Variants in DNAH6 observed in about 807,000 individuals in gnomAD.
DNAH6 encodes the protein axonemal beta dynein heavy chain 6.
Under a neutral mutation model 491.4 loss-of-function variants are expected in DNAH6, and 340 were observed. The observed-to-expected ratio is 0.69, with a 90% CI of 0.63 to 0.76. DNAH6 has a LOEUF of 0.76. Ranked by LOEUF, DNAH6 falls within the 30% of genes least tolerant of loss-of-function variation. DNAH6 has a pLI of 0.00. For synonymous variants in DNAH6, 1,603 were observed against 1,686.1 expected, an observed-to-expected ratio of 0.95 and a Z score of 1.21; for missense variants, 4,443 against 4,972.2, an observed-to-expected ratio of 0.89 and a Z score of 3.20.
intron 70 of DNAH6, among the ~76,000 whole-genome samples, chr2:84,800,207 A>G (rs1164790974): frequency 1.3e-5 from 2 of 152,192 alleles, no homozygotes; most frequent in East Asian, 1.9e-4. Context: ...TACACAACAT[A>G]CACCACAGTC....
chr2:84,773,008 C>A (rs575687141), intron 64 of DNAH6, among the ~76,000 whole-genome samples: 2 of 152,040 alleles, frequency 1.3e-5, no homozygotes, highest in Admixed American at 1.3e-4. Context: ...GGACAATTCA[C>A]AAATATATGG....
chr2:84,817,585 T>C (rs934385954), intron 76 of DNAH6, among the ~76,000 whole-genome samples: 6 of 151,924 alleles, frequency 3.9e-5, no homozygotes, highest in Non-Finnish European at 5.9e-5. Context: ...CTGGGCAACA[T>C]AGTGAAACCC....
chr2:84,771,042 A>G (rs997444113), intron 64 of DNAH6, among the ~76,000 whole-genome samples: 1 of 152,038 alleles, frequency 6.6e-6, no homozygotes, highest in Admixed American at 6.5e-5. Flanking sequence ...TAATCCCAGT[A>G]CTTTGGGAGG....
chr2:84,548,356 T>G lies in DNAH6; in HGVS notation c.1255T>G (p.Ser419Ala). Residue 419 changes from serine to alanine, a missense_variant, in exon 8 of 77, where the codon TCT becomes GCT. By Grantham distance (99) the Ser-to-Ala change is moderately conservative (BLOSUM62 1). Around this residue, in one of 3 missense-constraint regions of DNAH6, gnomAD observed 2,977 missense variants for 3,296.6 expected, o/e 0.90. Coordinates refer to ENST00000389394, the MANE Select transcript of DNAH6 (RefSeq NM_001370.2). ...TPHELPTYGD[S>A]EKMTYTEQAS... is the part of the protein sequence containing the mutation. Reference sequence around the variant, plus strand: ...ACATGAGTTGCCCACTTATGGAGACTCTGAGAAAATGACATATACAGAACA... The same window carrying G: ...ACATGAGTTGCCCACTTATGGAGACGCTGAGAAAATGACATATACAGAACA... The G allele has an allele frequency of 6.2e-7, 1 of 1,613,976 alleles. No homozygotes were observed. Among genetic ancestry groups the G allele is most frequent in the Non-Finnish European group, 8.5e-7 (1 of 1,179,926 alleles).
In DNAH6 at chr2:84,619,769, A is replaced by G. The variant is rs1687226002; in HGVS notation, c.3657A>G (p.Lys1219=). 1 of 1,551,658 alleles carries G rather than the reference A, an allele frequency of 6.4e-7. No individual in the cohort carries two copies. The highest frequency in any genetic ancestry group is 1.4e-5 in the African/African-American group (1 of 73,130). Residue 1219 remains lysine (K), a synonymous_variant, in exon 24 of 77, where the codon AAA becomes AAG. Transcript: ENST00000389394. ...AGGCCGTGCAGCCACACTTAAGGAA[A>G]TGCTTCGACTCCATTTCAAAGCTCG... ...NPQAVQPHLR[K]CFDSISKLEF... is the part of the protein sequence containing the mutation.
At chr2:84,488,167 AAT>A in the DNAH6 span, among the ~76,000 whole-genome samples, 1 of 152,188 alleles carries the variant, frequency 6.6e-6, no homozygotes, top group Non-Finnish European at 1.5e-5. Flanking sequence ...CAACGATGGG[AAT>A]ACTAGGTAGG....
At chr2:84,567,970 CAT>C (rs1271379154) in intron 11 of DNAH6, among the ~76,000 whole-genome samples, 1 of 151,926 alleles carries the variant, frequency 6.6e-6, no homozygotes, top group African/African-American at 2.4e-5. Context: ...CATTATGTGG[CAT>C]ATATATAAAC....
chr2:84,734,148 T>A (rs1436764406), intron 62 of DNAH6, among the ~76,000 whole-genome samples: 45 of 107,272 alleles, frequency 4.2e-4, no homozygotes, highest in African/African-American at 1.6e-3. Context: ...AAACTACACT[T>A]TTTTTTTTTT....
At chr2:84,685,236 T>A in intron 42 of DNAH6, 90 bp from the exon 43 acceptor site, 1 of 964,724 alleles carries the variant, frequency 1.0e-6, no homozygotes. Context: ...GAGGGTAAAG[T>A]TGTACTTAAG....
At chr2:84,488,902 A>G in the DNAH6 span, among the ~76,000 whole-genome samples, 2,238 of 152,254 alleles carry the variant, frequency 0.015, 36 homozygotes, top group Middle Eastern at 0.092. Flanking sequence ...ACCTCTAGGT[A>G]TAGATTGGAG....
intron 68 of DNAH6, 22 bp from the exon 69 acceptor site, chr2:84,796,284 C>CA (rs1401944842): frequency 3.5e-6 from 5 of 1,428,700 alleles, no homozygotes; most frequent in African/African-American, 2.9e-5. Context: ...GCAATAATTT[C>CA]AAAATACAAA....
intron 11 of DNAH6, among the ~76,000 whole-genome samples, chr2:84,560,765 C>T (rs973599155): frequency 2.0e-5 from 3 of 152,060 alleles, no homozygotes; most frequent in African/African-American, 7.2e-5. Context: ...CAATTTCATC[C>T]ATGTCCCTAC....
Position 84,727,821 on chromosome 2 carries a change from T to G in DNAH6, c.10125T>G (p.Cys3375Trp). The G allele has an allele frequency of 6.4e-7, 1 of 1,552,092 alleles. No individual in the cohort carries two copies. Among genetic ancestry groups the G allele is most frequent in the Non-Finnish European group, 8.7e-7 (1 of 1,147,026 alleles). The part of the protein sequence containing the change: ...QHKLIYSFML[C>W]VEMMRQQGTL... ...AACTCATCTACAGCTTTATGCTTTG[T>G]GTTGAGATGATGCGTCAGCAAGGAA... is the stretch of plus-strand genomic sequence containing the variant. Residue 3375 changes from cysteine (C) to tryptophan (W), a missense_variant, in exon 61 of 77, where the codon TGT (cysteine) becomes TGG (tryptophan). Around this residue, in one of 3 missense-constraint regions of DNAH6, gnomAD observed 1,463 missense variants for 1,656.6 expected, o/e 0.88. Transcript: ENST00000389394.
chr2:84,538,390 G>A (rs750746530), intron 4 of DNAH6, among the ~76,000 whole-genome samples: 2 of 152,110 alleles, frequency 1.3e-5, no homozygotes, highest in African/African-American at 2.4e-5. Flanking sequence ...AATGTCTGAT[G>A]CTCCCATCTT....
In DNAH6 at chr2:84,598,108, G is replaced by T. The variant is rs1284491150; in HGVS notation, c.2868+2319G>T. On this transcript the variant is annotated intron_variant, in intron 18 of 76. Coordinates refer to ENST00000389394, the MANE Select transcript of DNAH6 (RefSeq NM_001370.2). ...GAACTCGTGGTTACTCGTGGAACTC[G>T]TGGTTCTTTCTATCTTTCTTTTCTT... Among the ~76,000 whole-genome samples, 201 of 138,120 alleles carry T rather than the reference G, an allele frequency of 1.5e-3. 1 individual carries two copies. The highest frequency in any genetic ancestry group is 5.3e-3 in the African/African-American group (194 of 36,694). 90.6% of individuals were successfully genotyped at this position (138,120 alleles called of 152,430 possible). A position where few individuals can be genotyped will look rare whatever the true frequency, so the allele number is the denominator to read the frequency against.
intron 64 of DNAH6, among the ~76,000 whole-genome samples, chr2:84,764,079 C>T (rs1674847303): frequency 6.6e-6 from 1 of 152,142 alleles, no homozygotes; most frequent in African/African-American, 2.4e-5. Context: ...TGCTTTACTC[C>T]ATCTATTAAT....
At chr2:84,472,786 A>G in the DNAH6 span, among the ~76,000 whole-genome samples, 1 of 152,198 alleles carries the variant, frequency 6.6e-6, no homozygotes, top group Non-Finnish European at 1.5e-5. Flanking sequence ...GGAGGTTAGT[A>G]TGTGCTCTCA....
intron 64 of DNAH6, chr2:84,778,189 A>G (rs56207874): frequency 2.8e-6 from 2 of 704,792 alleles, no homozygotes; most frequent in East Asian, 5.1e-5. Context: ...TTCCTGTAGA[A>G]GATTATGAAT....
intron 41 of DNAH6, among the ~76,000 whole-genome samples, chr2:84,680,068 A>G (rs1693636049): frequency 6.6e-6 from 1 of 152,232 alleles, no homozygotes; most frequent in South Asian, 2.1e-4. Context: ...TACATAAAAT[A>G]CAGACCATGT....
Sources: gnomAD v4.1 joint callset for allele counts (sites outside exome capture counted in the v4.1 genomes callset) on GRCh38, gnomAD v4.1.1 for gene constraint, gnomAD v4.1.1 regional missense constraint, MANE v1.5 for transcripts, NCBI Gene and HGNC (gene_info 2026-07-23, HGNC 2026-07-21) for gene names.